Variants in ZNF169 observed in about 807,000 individuals in gnomAD.
ZNF169 encodes zinc finger protein 169.
ZNF169 carries 11 observed loss-of-function variants against 12.0 expected under a neutral mutation model. The ratio of observed to expected loss-of-function variants is 0.92; its 90% CI spans 0.58 to 1.52. The LOEUF (loss-of-function observed/expected upper bound fraction) is 1.52, where lower values mean the gene tolerates loss of function less well. Among genes scored for constraint, ZNF169 ranks in the 40% most tolerant of loss-of-function variants. ZNF169 has a pLI of 0.00. For synonymous variants in ZNF169, 302 were observed against 286.5 expected, an observed-to-expected ratio of 1.05 and a Z score of -0.55; for missense variants, 722 against 744.0, an observed-to-expected ratio of 0.97 and a Z score of 0.34.
chr9:94,292,048 A>C (rs1439416139), intron 2 of ZNF169, among the ~76,000 whole-genome samples: 1 of 152,240 alleles, frequency 6.6e-6, no homozygotes, highest in Non-Finnish European at 1.5e-5. Context: ...ATGAAGAATA[A>C]AGTGAGAGGA....
intron 4 of ZNF169, among the ~76,000 whole-genome samples, chr9:94,298,096 G>T (rs1169482632): frequency 3.3e-5 from 5 of 151,700 alleles, no homozygotes; most frequent in African/African-American, 1.2e-4. Context: ...GAACCCAGGA[G>T]GTGGAGGTTG....
At chr9:94,289,816 C>T (rs1830796344) in intron 2 of ZNF169, among the ~76,000 whole-genome samples, 1 of 151,940 alleles carries the variant, frequency 6.6e-6, no homozygotes, top group Admixed American at 6.6e-5. Context: ...CAGTGAAATA[C>T]ACTAAGAAAC....
rs1183058647 is a variant in ZNF169, at chr9:94,265,182, T to C, written c.-56+5837T>C. 2.6e-5 allele frequency among the ~76,000 whole-genome samples: 4 copies of C among 152,078 alleles called. No individual in the cohort carries two copies. In the East Asian group the frequency reaches 7.7e-4, roughly 29 times the overall value. ...CAAACTGAGGGTCAGGCTGCTATTT[T>C]TCGTGGCCCAATAACGAGATGCAGA... On this transcript the variant is annotated intron_variant, in intron 1 of 4. Transcript: ENST00000395395.
intron 4 of ZNF169, chr9:94,296,927 A>C (rs1311912195): frequency 1.9e-5 from 8 of 419,494 alleles, no homozygotes; most frequent in Non-Finnish European, 3.8e-5. Context: ...CGCACCTGTA[A>C]TCACAGCTAC....
rs551052684 is a variant in ZNF169 at position 94,270,993 on chromosome 9, ATATAT to A, written c.-55-7759_-55-7755del. Among the ~76,000 whole-genome samples the A allele has an allele frequency of 3.8e-3, 164 of 42,754 alleles. 7 individuals carry two copies. The highest frequency in any genetic ancestry group is 0.013 in the Middle Eastern group (1 of 76). The allele number at this position is 42,754 out of a possible 152,430, so 28.0% of individuals were successfully genotyped here. On this transcript the variant is annotated intron_variant, in intron 1 of 4. Transcript: ENST00000395395. ...TATATATTATATAAATATACAAATA[ATATAT>A]TATATATTATATAAATATACATAAA...
At chr9:94,284,882 T>C (rs1830695845) in intron 2 of ZNF169, among the ~76,000 whole-genome samples, 1 of 152,104 alleles carries the variant, frequency 6.6e-6, no homozygotes, top group Non-Finnish European at 1.5e-5. Flanking sequence ...AATAGACTCA[T>C]ACTGATATTT....
intron 1 of ZNF169, among the ~76,000 whole-genome samples, chr9:94,273,392 G>T (rs1209023571): frequency 6.6e-6 from 1 of 150,984 alleles, no homozygotes. Flanking sequence ...AACACCCTTT[G>T]ACTTTTTAAT....
intron 1 of ZNF169, among the ~76,000 whole-genome samples, chr9:94,269,274 G>A (rs1189725381): frequency 6.6e-6 from 1 of 152,128 alleles, no homozygotes. Context: ...ATGCAAAGGG[G>A]GTGTATGAGC....
At position 94,300,725 on chromosome 9, in the gene ZNF169, C is replaced by T. The variant is rs138394243; in HGVS notation, c.1167C>T (p.Leu389=). The change falls in exon 5 of 5, where the codon CTC becomes CTT. Residue 389 remains leucine (L), a synonymous_variant. Coordinates refer to ENST00000395395, the MANE Select transcript of ZNF169 (RefSeq NM_194320.4). ...GTAGCTTCAGGCAGCAGTCACTCCT[C>T]CTTAGTCACCAGGTCACACACTCAG... ...CGRSFRQQSL[L]LSHQVTHSGE... The T allele has an allele frequency of 3.1e-6, 5 of 1,613,596 alleles. No homozygotes were observed. Among genetic ancestry groups the T allele is most frequent in the South Asian group, 1.1e-5 (1 of 91,066 alleles).
intron 1 of ZNF169, among the ~76,000 whole-genome samples, chr9:94,259,922 CAG>C (rs1830169244): frequency 1.3e-5 from 2 of 152,006 alleles, no homozygotes; most frequent in Non-Finnish European, 2.9e-5. Context: ...ATTTTTGAAA[CAG>C]AGTCTCTCTC....
Position 94,278,819 on chromosome 9 carries a change from C to G in ZNF169, c.7C>G (p.Pro3Ala). MSPGLLTTRKEAL... is the reference protein window; with the variant it reads MSAGLLTTRKEAL... ...TACTCCAGAGAGCAGGGATATGTCA[C>G]CAGGACTCCTGACAACCAGGAAGGA... is the stretch of plus-strand genomic sequence containing the variant. Residue 3 changes from proline to alanine, a missense_variant, in exon 2 of 5, where the codon CCA (proline) becomes GCA (alanine). Physicochemically the swap from Pro to Ala is conservative, Grantham distance 27 (BLOSUM62 -1). Coordinates refer to ENST00000395395, the MANE Select transcript of ZNF169 (RefSeq NM_194320.4). The G allele has an allele frequency of 6.2e-7, 1 of 1,614,004 alleles. No individual in the cohort carries two copies. The highest frequency in any genetic ancestry group is 8.5e-7 in the Non-Finnish European group (1 of 1,179,978).
intron 2 of ZNF169, among the ~76,000 whole-genome samples, chr9:94,286,872 G>C (rs1449312704): frequency 6.6e-6 from 1 of 152,152 alleles, no homozygotes; most frequent in Non-Finnish European, 1.5e-5. Context: ...TGGCAGAAAA[G>C]ACACAGTGAA....
intron 2 of ZNF169, among the ~76,000 whole-genome samples, chr9:94,284,970 GAGTTTAAT>G (rs1830697102): frequency 1.3e-5 from 2 of 152,098 alleles, no homozygotes; most frequent in African/African-American, 4.8e-5. Flanking sequence ...CACACTGCCT[GAGTTTAAT>G]ACTTACTGCA....
At chr9:94,291,019 C>A (rs10993146) in intron 2 of ZNF169, among the ~76,000 whole-genome samples, 10,878 of 142,778 alleles carry the variant, frequency 0.076, 568 homozygotes, top group South Asian at 0.12. Context: ...TAAACATCTA[C>A]TCTGATTCTG....
chr9:94,298,179 A>AT (rs1191448782), intron 4 of ZNF169, among the ~76,000 whole-genome samples: 1 of 152,068 alleles, frequency 6.6e-6, no homozygotes, highest in Non-Finnish European at 1.5e-5. Flanking sequence ...AAAAAAAAAA[A>AT]AATTTGTTCA....
At chr9:94,270,891 ATAT>A (rs1830403326) in intron 1 of ZNF169, among the ~76,000 whole-genome samples, 1 of 20,082 alleles carries the variant, frequency 5.0e-5, no homozygotes, top group East Asian at 1.4e-3. Context: ...ATATAAATAT[ATAT>A]AATAATATAT....
rs1830563239 is a variant in ZNF169, at chr9:94,278,490, T to G, written c.-55-268T>G. ...TGAGGGCACTCTGAGGCCTTTTTCT[T>G]TTAATGGAGTCCACACAAAGTCTCA... On this transcript the variant is annotated intron_variant, in intron 1 of 4. Transcript: ENST00000395395. 1.3e-5 allele frequency among the ~76,000 whole-genome samples: 2 copies of G among 152,216 alleles called. 1 individual carries two copies. The highest frequency in any genetic ancestry group is 4.1e-4 in the South Asian group (2 of 4,832).
At chr9:94,278,955 G>C in intron 2 of ZNF169, 110 bp downstream of exon 2, 1 of 1,056,328 alleles carries the variant, frequency 9.5e-7, no homozygotes, top group East Asian at 2.5e-5. Context: ...TCTTGTAGGC[G>C]TGACTCATCT....
intron 1 of ZNF169, among the ~76,000 whole-genome samples, chr9:94,265,317 T>C (rs1035077411): frequency 2.6e-5 from 4 of 152,048 alleles, no homozygotes; most frequent in Admixed American, 2.6e-4. Flanking sequence ...CAGTGGCTCA[T>C]GTCTGTAATC....
Sources: allele counts gnomAD v4.1 joint callset (sites outside exome capture counted in the v4.1 genomes callset), GRCh38; gene constraint gnomAD v4.1.1; transcripts MANE v1.5; gene names NCBI Gene and HGNC (gene_info 2026-07-23, HGNC 2026-07-21).